Variants in MAPKAP1 observed in about 807,000 individuals in gnomAD.
The protein encoded by MAPKAP1 is MAPK associated protein 1.
In MAPKAP1, 20 loss-of-function variants were observed where a neutral mutation model predicts 65.7. The ratio of observed to expected loss-of-function variants is 0.30; its 90% confidence interval spans 0.21 to 0.44. MAPKAP1 has a LOEUF of 0.44. Among genes scored for constraint, MAPKAP1 ranks in the 20% least tolerant of loss-of-function variants. MAPKAP1 has a pLI of 1.00. For synonymous variants in MAPKAP1, 222 were observed against 244.3 expected, an observed-to-expected ratio of 0.91 and a Z score of 0.85; for missense variants, 423 against 648.0, an observed-to-expected ratio of 0.65 and a Z score of 3.77.
chr9:125,677,979 A>T (rs1249220737), intron 1 of MAPKAP1, among the ~76,000 whole-genome samples: 1 of 152,082 alleles, frequency 6.6e-6, no homozygotes, highest in Non-Finnish European at 1.5e-5. Context: ...GTGCAGAGGC[A>T]TGATCACGGC....
rs58671780 is a variant in MAPKAP1, at chr9:125,625,255, TAAAAAAA to T, written c.498+32389_498+32395del. Among the ~76,000 whole-genome samples the T allele has an allele frequency of 1.1e-3, 74 of 64,664 alleles. 2 individuals are homozygous for T. Among genetic ancestry groups the T allele is most frequent in the African/African-American group, 3.0e-3 (50 of 16,826 alleles). The allele number at this position is 64,664 out of a possible 152,430, so 42.4% of individuals were successfully genotyped here. A position where few individuals can be genotyped will look rare whatever the true frequency, so the allele number is the denominator to read the frequency against. On this transcript the variant is annotated intron_variant, in intron 4 of 11. Transcript: ENST00000265960. Reference sequence around the variant, plus strand: ...TATCAATAAAAAAAAAATAAATAAATAAAAAAAAAAAAAAAAAAAAAAAAACAAGGGA... The same window carrying T: ...TATCAATAAAAAAAAAATAAATAAATAAAAAAAAAAAAAAAAAACAAGGGA...
chr9:125,616,272 C>T (rs750130913), intron 4 of MAPKAP1, among the ~76,000 whole-genome samples: 2 of 152,128 alleles, frequency 1.3e-5, no homozygotes, highest in Non-Finnish European at 2.9e-5. Context: ...ACTTTAAATA[C>T]AATTTGGGAA....
intron 7 of MAPKAP1, among the ~76,000 whole-genome samples, chr9:125,535,340 C>T (rs889036214): frequency 2.7e-4 from 41 of 152,224 alleles, no homozygotes; most frequent in African/African-American, 9.6e-4. Flanking sequence ...AAGTAGGACT[C>T]CCTTACCTGT....
intron 4 of MAPKAP1, among the ~76,000 whole-genome samples, chr9:125,626,400 G>A (rs1833120643): frequency 1.3e-5 from 2 of 152,232 alleles, no homozygotes; most frequent in Non-Finnish European, 2.9e-5. Flanking sequence ...GTATGAGACA[G>A]CAATTCTAGT....
At chr9:125,551,087 TA>T (rs889839644) in intron 6 of MAPKAP1, among the ~76,000 whole-genome samples, 7 of 152,132 alleles carry the variant, frequency 4.6e-5, no homozygotes, top group African/African-American at 1.7e-4. Flanking sequence ...TAAAATATCA[TA>T]AAAAAGAAAT....
intron 1 of MAPKAP1, among the ~76,000 whole-genome samples, chr9:125,701,546 G>C (rs1835598454): frequency 6.6e-6 from 1 of 152,166 alleles, no homozygotes; most frequent in Non-Finnish European, 1.5e-5. Context: ...GCATATTCAG[G>C]ATGCAACACC....
At chr9:125,542,857 C>A in intron 7 of MAPKAP1, 1 of 727,364 alleles carries the variant, frequency 1.4e-6, no homozygotes. Context: ...ATACATTCTT[C>A]TCACATATGC....
At chr9:125,544,543 T>A (rs989784982) in intron 6 of MAPKAP1, among the ~76,000 whole-genome samples, 1 of 152,190 alleles carries the variant, frequency 6.6e-6, no homozygotes, top group East Asian at 1.9e-4. Flanking sequence ...GAGGTATAAC[T>A]TCACCAAGAC....
At chr9:125,658,153 T>A (rs1368267752) in intron 3 of MAPKAP1, among the ~76,000 whole-genome samples, 4 of 152,130 alleles carry the variant, frequency 2.6e-5, no homozygotes, top group Non-Finnish European at 5.9e-5. Flanking sequence ...TCTCTAAACC[T>A]TTCTGGGCTT....
chr9:125,481,214 T>G (rs773979814), intron 9 of MAPKAP1, among the ~76,000 whole-genome samples: 1 of 152,132 alleles, frequency 6.6e-6, no homozygotes, highest in Non-Finnish European at 1.5e-5. Flanking sequence ...ACTTTTTCCT[T>G]TGAAATAATT....
intron 1 of MAPKAP1, among the ~76,000 whole-genome samples, chr9:125,702,364 G>A (rs928299469): frequency 3.3e-5 from 5 of 151,948 alleles, no homozygotes; most frequent in African/African-American, 4.8e-5. Flanking sequence ...CAGAAACCCC[G>A]CCTCTACTAA....
At chr9:125,537,762 G>GT (rs1436695946) in intron 7 of MAPKAP1, among the ~76,000 whole-genome samples, 2 of 152,230 alleles carry the variant, frequency 1.3e-5, no homozygotes. Context: ...AATTACAGGT[G>GT]TGAGCTACTG....
chr9:125,442,677 C>A (rs1361498999), intron 11 of MAPKAP1, among the ~76,000 whole-genome samples: 1 of 152,104 alleles, frequency 6.6e-6, no homozygotes, highest in East Asian at 1.9e-4. Flanking sequence ...GCAAGCACTC[C>A]CAGGCAGGCC....
At chr9:125,633,165 T>C (rs542609517) in intron 4 of MAPKAP1, among the ~76,000 whole-genome samples, 1 of 152,280 alleles carries the variant, frequency 6.6e-6, no homozygotes, top group East Asian at 1.9e-4. Context: ...GGAGACTTCA[T>C]GAAAGAAGTG....
intron 1 of MAPKAP1, among the ~76,000 whole-genome samples, chr9:125,692,525 G>A (rs745624566): frequency 2.8e-4 from 42 of 152,310 alleles, no homozygotes; most frequent in Admixed American, 6.5e-4. Flanking sequence ...TAATGAATAT[G>A]AGATTTCTTT....
At chr9:125,562,549 A>C (rs1196555806) in intron 5 of MAPKAP1, among the ~76,000 whole-genome samples, 1 of 152,228 alleles carries the variant, frequency 6.6e-6, no homozygotes, top group Non-Finnish European at 1.5e-5. Context: ...CTACACATGG[A>C]CATACTGGTT....
chr9:125,700,748 C>T (rs1835570724), intron 1 of MAPKAP1, among the ~76,000 whole-genome samples: 2 of 152,140 alleles, frequency 1.3e-5, no homozygotes, highest in African/African-American at 4.8e-5. Flanking sequence ...TTTCCTTATA[C>T]AATAGAGTAT....
At chr9:125,472,076 C>T (rs560898921) in intron 9 of MAPKAP1, among the ~76,000 whole-genome samples, 2 of 152,198 alleles carry the variant, frequency 1.3e-5, no homozygotes, top group Non-Finnish European at 2.9e-5. Context: ...CCTAAGATCA[C>T]CCAGCTCAGA....
intron 8 of MAPKAP1, among the ~76,000 whole-genome samples, chr9:125,505,170 G>A (rs534908063): frequency 4.6e-5 from 7 of 152,278 alleles, no homozygotes; most frequent in African/African-American, 1.7e-4. Context: ...GGTGGCTCAC[G>A]CCTGTAATCC....
Sources: gnomAD v4.1 joint callset for allele counts (sites outside exome capture counted in the v4.1 genomes callset) on GRCh38, gnomAD v4.1.1 for gene constraint, MANE v1.5 for transcripts, NCBI Gene and HGNC (gene_info 2026-07-23, HGNC 2026-07-21) for gene names.